The following FOXJ3 variants were observed in gnomAD, a reference collection of about 807,000 sequenced individuals.
FOXJ3 encodes the protein forkhead box protein J3.
A neutral mutation model predicts 76.1 loss-of-function variants in FOXJ3; 22 were observed. The ratio of observed to expected loss-of-function variants is 0.29; its 90% CI spans 0.21 to 0.41. The LOEUF is 0.41. Ranked by LOEUF, FOXJ3 falls within the 10% of genes least tolerant of loss-of-function variation. FOXJ3 has a pLI of 1.00. For synonymous variants in FOXJ3, 269 were observed against 261.2 expected, an observed-to-expected ratio of 1.03 and a Z score of -0.29; for missense variants, 613 against 762.1, an observed-to-expected ratio of 0.80 and a Z score of 2.30.
At chr1:42,251,533 C>T (rs1650047173) in intron 4 of FOXJ3, among the ~76,000 whole-genome samples, 1 of 151,950 alleles carries the variant, frequency 6.6e-6, no homozygotes, top group Non-Finnish European at 1.5e-5. Context: ...TTGTCAAAGG[C>T]CTTTTCTGCA....
intron 1 of FOXJ3, among the ~76,000 whole-genome samples, chr1:42,316,230 C>A (rs544316658): frequency 2.6e-5 from 4 of 151,384 alleles, no homozygotes; most frequent in East Asian, 3.9e-4. Flanking sequence ...GTACAGTGGC[C>A]AGATGATAGC....
chr1:42,250,081 T>C (rs1296918363), intron 4 of FOXJ3, among the ~76,000 whole-genome samples: 1 of 152,168 alleles, frequency 6.6e-6, no homozygotes, highest in Admixed American at 6.5e-5. Context: ...GGAAGTAGAC[T>C]TGGGTTTTTA....
At chr1:42,305,690 G>T (rs1477650955) in intron 2 of FOXJ3, among the ~76,000 whole-genome samples, 1 of 152,206 alleles carries the variant, frequency 6.6e-6, no homozygotes. Context: ...AGAGTAGAAG[G>T]ATCGTTGGTT....
intron 4 of FOXJ3, among the ~76,000 whole-genome samples, chr1:42,240,339 T>C (rs1649034325): frequency 6.6e-6 from 1 of 152,192 alleles, no homozygotes; most frequent in South Asian, 2.1e-4. Context: ...CAGCTGGCTT[T>C]TTTGCAGATA....
chr1:42,261,892 C>A (rs1206343620), intron 4 of FOXJ3, among the ~76,000 whole-genome samples: 1 of 152,174 alleles, frequency 6.6e-6, no homozygotes, highest in Non-Finnish European at 1.5e-5. Flanking sequence ...TTCATAAGTA[C>A]CAAAACTTAA....
rs977407298 is a variant in FOXJ3 at position 42,189,185 on chromosome 1, A to G, written c.1453+118T>C. ...GCCAAAATTATTATGAATTTTACCAACTGCAAAAGAAATGCTATATAAGAT... is the reference window on the plus strand; with the variant it reads ...GCCAAAATTATTATGAATTTTACCAGCTGCAAAAGAAATGCTATATAAGAT... On this transcript the variant is annotated intron_variant, in intron 10 of 12. Transcript: ENST00000361346. 15 of 738,614 alleles carry G rather than the reference A, an allele frequency of 2.0e-5. No homozygotes were observed. The East Asian group carries it at 3.0e-4, about 15-fold the overall frequency. The allele number at this position is 738,614 out of a possible 1,614,324, so 45.8% of individuals were successfully genotyped here. A position where few individuals can be genotyped will look rare whatever the true frequency, so the allele number is the denominator to read the frequency against.
chr1:42,200,626 G>A (rs1371018481), intron 6 of FOXJ3, among the ~76,000 whole-genome samples: 5 of 151,964 alleles, frequency 3.3e-5, no homozygotes, highest in East Asian at 3.9e-4. Flanking sequence ...TTACAGATGC[G>A]CGCCACCATA....
intron 2 of FOXJ3, among the ~76,000 whole-genome samples, 176 bp downstream of exon 2, chr1:42,310,874 C>T (rs180919020): frequency 6.6e-6 from 1 of 152,268 alleles, no homozygotes; most frequent in African/African-American, 2.4e-5. Flanking sequence ...CCCATTACCA[C>T]GAAAATTTCA....
At chr1:42,256,139 TA>T (rs1191311611) in intron 4 of FOXJ3, among the ~76,000 whole-genome samples, 1 of 152,152 alleles carries the variant, frequency 6.6e-6, no homozygotes, top group African/African-American at 2.4e-5. Flanking sequence ...CATCTAAAAT[TA>T]TAAAACTTAA....
chr1:42,289,579 G>A (rs1653285030), intron 2 of FOXJ3, among the ~76,000 whole-genome samples: 1 of 152,112 alleles, frequency 6.6e-6, no homozygotes, highest in Non-Finnish European at 1.5e-5. Context: ...CTATGCTGTG[G>A]ATTTAAAAAG....
chr1:42,217,347 G>A (rs1246752174), intron 5 of FOXJ3, among the ~76,000 whole-genome samples: 3 of 152,056 alleles, frequency 2.0e-5, no homozygotes, highest in African/African-American at 7.2e-5. Context: ...TGGCCAACAT[G>A]GCGAAACCCC....
At chr1:42,263,153 G>A (rs1651190049) in intron 4 of FOXJ3, among the ~76,000 whole-genome samples, 1 of 151,996 alleles carries the variant, frequency 6.6e-6, no homozygotes, top group African/African-American at 2.4e-5. Context: ...TTCCATATCT[G>A]TCTTACCCCA....
chr1:42,330,911 G>A (rs1656120651), intron 1 of FOXJ3, among the ~76,000 whole-genome samples: 2 of 152,118 alleles, frequency 1.3e-5, no homozygotes, highest in Admixed American at 6.5e-5. Flanking sequence ...GAGAATGTAT[G>A]AGAAAATGTA....
chr1:42,228,975 G>GA (rs1458300095), intron 4 of FOXJ3, among the ~76,000 whole-genome samples: 2 of 152,096 alleles, frequency 1.3e-5, no homozygotes, highest in African/African-American at 2.4e-5. Context: ...ACAATGAGGG[G>GA]AAATACAACC....
intron 1 of FOXJ3, among the ~76,000 whole-genome samples, chr1:42,325,919 A>G (rs1655802203): frequency 6.6e-6 from 1 of 152,184 alleles, no homozygotes; most frequent in Admixed American, 6.5e-5. Flanking sequence ...AACTGCTTAG[A>G]AAGCAAAACA....
At chr1:42,264,854 T>C (rs617824) in intron 4 of FOXJ3, 353,634 of 354,772 alleles carry the variant, frequency 1, 176,254 homozygotes, top group East Asian at 1. Flanking sequence ...AGCAGCTCAA[T>C]CACCAAATTT....
chr1:42,229,384 AG>A (rs1352258391), intron 4 of FOXJ3, among the ~76,000 whole-genome samples: 1 of 152,212 alleles, frequency 6.6e-6, no homozygotes, highest in Non-Finnish European at 1.5e-5. Flanking sequence ...ACACAAAGCA[AG>A]TACTCAATTA....
At chr1:42,280,784 A>G (rs1652651959) in intron 2 of FOXJ3, among the ~76,000 whole-genome samples, 2 of 152,216 alleles carry the variant, frequency 1.3e-5, no homozygotes, top group Non-Finnish European at 2.9e-5. Context: ...ACTGATGTAA[A>G]GTATTCAGAA....
intron 4 of FOXJ3, among the ~76,000 whole-genome samples, chr1:42,241,391 A>G (rs1277005842): frequency 6.6e-6 from 1 of 152,106 alleles, no homozygotes. Context: ...CACACTGCCA[A>G]AGTGCCTGGG....
Sources: gnomAD v4.1 joint callset for allele counts (sites outside exome capture counted in the v4.1 genomes callset) on GRCh38, gnomAD v4.1.1 for gene constraint, MANE v1.5 for transcripts, NCBI Gene and HGNC (gene_info 2026-07-23, HGNC 2026-07-21) for gene names.